The following ME3 variants were observed in gnomAD, a reference collection of about 807,000 sequenced individuals.
The protein encoded by ME3 is malic enzyme 3, also known as NADP-dependent malic enzyme, mitochondrial.
ME3 carries 48 observed loss-of-function variants against 68.9 expected under a neutral mutation model. The observed-to-expected ratio is 0.70, with a 90% CI of 0.55 to 0.89. ME3 has a LOEUF of 0.89. ME3 is among the 40% of genes least tolerant of loss of function. The pLI is 0.00. For missense variants in ME3, 675 were observed against 797.4 expected (o/e 0.85, Z 1.85); for synonymous variants, 320 against 318.8 (o/e 1.00, Z -0.04).
At chr11:86,576,125 G>A (rs1398423105) in intron 2 of ME3, among the ~76,000 whole-genome samples, 1 of 152,218 alleles carries the variant, frequency 6.6e-6, no homozygotes, top group Non-Finnish European at 1.5e-5. Flanking sequence ...TCACCACTAA[G>A]TACTCAGTGA....
intron 4 of ME3, among the ~76,000 whole-genome samples, chr11:86,522,629 A>G (rs1387403283): frequency 1.3e-5 from 2 of 150,740 alleles, no homozygotes; most frequent in African/African-American, 2.4e-5. Flanking sequence ...GAACATGTGG[A>G]GTTTGGTTTT....
At chr11:86,534,296 A>G (rs628406) in intron 4 of ME3, among the ~76,000 whole-genome samples, 24,492 of 152,112 alleles carry the variant, frequency 0.16, 2,064 homozygotes, top group East Asian at 0.26. Context: ...AATTTCTTTA[A>G]TAATAAATTA....
intron 4 of ME3, among the ~76,000 whole-genome samples, chr11:86,548,674 C>G (rs867242530): frequency 2.0e-5 from 3 of 152,164 alleles, no homozygotes; most frequent in African/African-American, 7.2e-5. Context: ...CCACAGTGCT[C>G]TAATCTGCAA....
chr11:86,593,927 C>G lies in ME3; in HGVS notation c.184-34104G>C, dbSNP rs183238060. 8.7e-4 allele frequency among the ~76,000 whole-genome samples: 127 copies of G among 146,358 alleles called. 11 individuals carry two copies. Among genetic ancestry groups the G allele is most frequent in the Middle Eastern group, 3.6e-3 (1 of 278 alleles). On this transcript the variant is annotated intron_variant, in intron 2 of 14. Transcript: ENST00000543262. ...CAATTATGAATTATGCTGTAATGAG[C>G]ACAAAACTTTTTGTTTCTGATTTTT...
At chr11:86,447,325 A>C in intron 11 of ME3, 118 bp from the exon 12 acceptor site, 1 of 1,363,430 alleles carries the variant, frequency 7.3e-7, no homozygotes, top group Non-Finnish European at 1.0e-6. Flanking sequence ...TGGGCCCAGC[A>C]TCTGCCACAA....
intron 4 of ME3, among the ~76,000 whole-genome samples, chr11:86,547,162 C>A (rs1450658136): frequency 2.7e-5 from 4 of 146,430 alleles, no homozygotes; most frequent in Non-Finnish European, 5.9e-5. Flanking sequence ...GGTGTGAAGC[C>A]GGGAGGCAGA....
chr11:86,652,715 T>C (rs1276840288), intron 2 of ME3, among the ~76,000 whole-genome samples: 2 of 151,854 alleles, frequency 1.3e-5, no homozygotes, highest in Non-Finnish European at 2.9e-5. Flanking sequence ...GCTAACATCA[T>C]AATGACAGGA....
intron 4 of ME3, among the ~76,000 whole-genome samples, chr11:86,545,104 C>G (rs1169027980): frequency 7.0e-6 from 1 of 142,110 alleles, no homozygotes; most frequent in African/African-American, 2.7e-5. Context: ...GCAGAAAAGG[C>G]CTTCGATAAA....
intron 2 of ME3, among the ~76,000 whole-genome samples, chr11:86,660,349 C>T (rs1946193947): frequency 6.6e-6 from 1 of 152,192 alleles, no homozygotes; most frequent in South Asian, 2.1e-4. Context: ...CAGGGCTTCA[C>T]AATGTGTTAG....
intron 2 of ME3, among the ~76,000 whole-genome samples, chr11:86,650,775 G>A (rs11512936): frequency 0.44 from 67,329 of 152,060 alleles, 16,785 homozygotes; most frequent in Non-Finnish European, 0.57. Flanking sequence ...CACACCGAGC[G>A]TGAGCTGCAG....
At chr11:86,628,745 G>C (rs967679718) in intron 2 of ME3, among the ~76,000 whole-genome samples, 2 of 152,188 alleles carry the variant, frequency 1.3e-5, no homozygotes, top group African/African-American at 4.8e-5. Context: ...TGGAAATACA[G>C]ACTTTAGATT....
intron 5 of ME3, among the ~76,000 whole-genome samples, chr11:86,507,414 G>C (rs1245571950): frequency 6.6e-6 from 1 of 152,090 alleles, no homozygotes; most frequent in Non-Finnish European, 1.5e-5. Context: ...GGCCTCCCAG[G>C]CAAGGCAGGG....
intron 11 of ME3, 71 bp downstream of exon 11, chr11:86,448,079 G>T: frequency 2.8e-6 from 3 of 1,090,284 alleles, no homozygotes; most frequent in South Asian, 1.3e-5. Flanking sequence ...TCCTAGCTGA[G>T]CCTCTGTCTC....
At chr11:86,457,917 A>G (rs1950030751) in intron 8 of ME3, among the ~76,000 whole-genome samples, 1 of 152,240 alleles carries the variant, frequency 6.6e-6, no homozygotes, top group South Asian at 2.1e-4. Context: ...AGATTTGACA[A>G]AGTTAAAGGA....
intron 4 of ME3, among the ~76,000 whole-genome samples, chr11:86,541,175 C>T (rs1002229178): frequency 1.5e-4 from 23 of 152,182 alleles, no homozygotes; most frequent in African/African-American, 5.6e-4. Flanking sequence ...GTGCCTACAC[C>T]ACCAGAGCCC....
At position 86,521,022 on chromosome 11, in the gene ME3, C is replaced by G. The variant is rs151129125; in HGVS notation, c.468-12155G>C. Among the ~76,000 whole-genome samples, 1,038 of 152,280 alleles carry G rather than the reference C, an allele frequency of 6.8e-3. 11 individuals carry two copies. The highest frequency in any genetic ancestry group is 0.024 in the African/African-American group (999 of 41,544). On this transcript the variant is annotated intron_variant, in intron 4 of 14. Transcript: ENST00000543262. ...GCTAGACAGACCTGGGTTCAAAGCC[C>G]AAATCCAACCCTTATTTATTGTGCA...
intron 2 of ME3, among the ~76,000 whole-genome samples, chr11:86,649,577 C>T (rs943325764): frequency 6.6e-6 from 1 of 152,190 alleles, no homozygotes; most frequent in African/African-American, 2.4e-5. Flanking sequence ...ATCGTCTCAA[C>T]CCAAAAACTC....
At chr11:86,524,613 A>C (rs1189273332) in intron 4 of ME3, among the ~76,000 whole-genome samples, 1 of 152,232 alleles carries the variant, frequency 6.6e-6, no homozygotes, top group Non-Finnish European at 1.5e-5. Context: ...GTAATTTGTA[A>C]GTGGAAGACC....
intron 2 of ME3, among the ~76,000 whole-genome samples, chr11:86,652,541 T>C (rs548305931): frequency 6.6e-6 from 1 of 151,970 alleles, no homozygotes; most frequent in South Asian, 2.1e-4. Flanking sequence ...GACAAGCAAA[T>C]GCTGAGAGAT....
Sources: allele counts gnomAD v4.1 joint callset (sites outside exome capture counted in the v4.1 genomes callset), GRCh38; gene constraint gnomAD v4.1.1; transcripts MANE v1.5; gene names NCBI Gene and HGNC (gene_info 2026-07-23, HGNC 2026-07-21).